Variants in MAP4K3 observed in about 807,000 individuals in gnomAD.
MAP4K3 encodes the protein MAPK/ERK kinase kinase kinase 3.
MAP4K3 carries 94 observed loss-of-function variants against 143.5 expected under a neutral mutation model. The observed-to-expected ratio is 0.65, with a 90% CI of 0.55 to 0.78. MAP4K3 has a LOEUF of 0.78. Ranked by LOEUF, MAP4K3 falls within the 30% of genes least tolerant of loss-of-function variation. The pLI, the probability that MAP4K3 is intolerant of heterozygous loss-of-function variation, is 0.00. For missense variants in MAP4K3, 1,077 were observed against 1,068.1 expected (o/e 1.01, Z -0.12); for synonymous variants, 416 against 347.2 (o/e 1.20, Z -2.20).
In MAP4K3 at chr2:39,260,775, G is replaced by C. The variant is rs765087064; in HGVS notation, c.2139C>G (p.His713Gln). 1 of 1,603,086 alleles carries C rather than the reference G, an allele frequency of 6.2e-7. No individual in the cohort carries two copies. Among genetic ancestry groups the C allele is most frequent in the East Asian group, 2.2e-5 (1 of 44,796 alleles). ...GTGGACATGGTATAGGAAAATCTATGTGCTAGAGAAAGAAACAAAAATACA... is the reference window on the plus strand; with the variant it reads ...GTGGACATGGTATAGGAAAATCTATCTGCTAGAGAAAGAAACAAAAATACA... ...EPMQKFMLIK[H>Q]IDFPIPCPLR... The change falls in exon 29 of 34, where the codon CAC becomes CAG. Residue 713 changes from histidine (H) to glutamine (Q), a missense_variant and splice_region_variant. His to Gln is a conservative substitution (Grantham distance 24, BLOSUM62 0). Around this residue, in one of 2 missense-constraint regions of MAP4K3, gnomAD observed 864 missense variants for 801.2 expected, o/e 1.08. Coordinates refer to ENST00000263881, the MANE Select transcript of MAP4K3 (RefSeq NM_003618.4).
At position 39,420,498 on chromosome 2, in the gene MAP4K3, C is replaced by G. The variant is rs780818568; in HGVS notation, c.96+16394G>C. ...GTACTGCAATCATAGCTTACAGCAG[C>G]CTTGAACTCCTGGGCTCAAGTGATG... On this transcript the variant is annotated intron_variant, in intron 1 of 33. Coordinates refer to ENST00000263881, the MANE Select transcript of MAP4K3 (RefSeq NM_003618.4). Among the ~76,000 whole-genome samples the G allele has an allele frequency of 3.3e-4, 50 of 152,036 alleles. 1 individual carries two copies. The highest frequency in any genetic ancestry group is 3.5e-3 in the Middle Eastern group (1 of 288).
intron 6 of MAP4K3, among the ~76,000 whole-genome samples, chr2:39,335,133 C>G (rs374898202): frequency 6.6e-6 from 1 of 151,996 alleles, no homozygotes; most frequent in East Asian, 1.9e-4. Context: ...GATGAGGTCA[C>G]GGAGAAATGC....
intron 23 of MAP4K3, 100 bp downstream of exon 23, chr2:39,280,172 C>A: frequency 1.5e-6 from 1 of 655,924 alleles, no homozygotes; most frequent in Non-Finnish European, 2.5e-6. Flanking sequence ...AACTTTTTTT[C>A]CCCAGAAAGA....
intron 1 of MAP4K3, among the ~76,000 whole-genome samples, chr2:39,405,564 A>G (rs535558482): frequency 6.6e-6 from 1 of 152,302 alleles, no homozygotes; most frequent in African/African-American, 2.4e-5. Context: ...TGACCTCATC[A>G]AACAAACTAA....
intron 2 of MAP4K3, among the ~76,000 whole-genome samples, chr2:39,361,838 G>A (rs1443069513): frequency 6.6e-6 from 1 of 151,814 alleles, no homozygotes; most frequent in Non-Finnish European, 1.5e-5. Flanking sequence ...CATCTGTCAA[G>A]ATGCTTCTGG....
chr2:39,335,375 G>C (rs1664911960), intron 6 of MAP4K3, among the ~76,000 whole-genome samples: 1 of 152,144 alleles, frequency 6.6e-6, no homozygotes, highest in African/African-American at 2.4e-5. Flanking sequence ...TGGTGGCTTA[G>C]ACAGGAGTAG....
At chr2:39,388,271 T>G (rs1666564308) in intron 1 of MAP4K3, among the ~76,000 whole-genome samples, 1 of 152,186 alleles carries the variant, frequency 6.6e-6, no homozygotes, top group African/African-American at 2.4e-5. Flanking sequence ...CTTCCAAGAT[T>G]TCACTTTTGG....
intron 16 of MAP4K3, among the ~76,000 whole-genome samples, chr2:39,299,167 T>C (rs778313023): frequency 3.3e-5 from 5 of 152,166 alleles, no homozygotes; most frequent in African/African-American, 4.8e-5. Context: ...ACAATTTAAA[T>C]TGTTAATGTT....
chr2:39,371,019 A>T lies in MAP4K3; in HGVS notation c.154+7047T>A, dbSNP rs201594120. Among the ~76,000 whole-genome samples, 19 of 151,454 alleles carry T rather than the reference A, an allele frequency of 1.3e-4. No homozygotes were observed. In the East Asian group the frequency reaches 2.9e-3, roughly 23 times the overall value. The stretch of plus-strand genomic sequence containing the variant: ...TAGCTCTCATCTTGATCCATTTTTA[A>T]TTTTTTTTTCCCAAATAAGTCTCAA... On this transcript the variant is annotated intron_variant, in intron 2 of 33. Coordinates refer to ENST00000263881, the MANE Select transcript of MAP4K3 (RefSeq NM_003618.4).
intron 20 of MAP4K3, among the ~76,000 whole-genome samples, chr2:39,287,810 C>T (rs1681863725): frequency 6.6e-6 from 1 of 152,118 alleles, no homozygotes; most frequent in South Asian, 2.1e-4. Context: ...ACACATTTTC[C>T]ATGTTTGTTC....
In MAP4K3 at chr2:39,290,480, G is replaced by T. The variant is rs1053730956; in HGVS notation, c.1272-146C>A. 5.1e-6 allele frequency: 3 copies of T among 587,842 alleles called. No individual in the cohort carries two copies. In the African/African-American group the frequency reaches 5.8e-5, roughly 11 times the overall value. 36.4% of individuals were successfully genotyped at this position (587,842 alleles called of 1,614,324 possible). A position where few individuals can be genotyped will look rare whatever the true frequency, so the allele number is the denominator to read the frequency against. On this transcript the variant is annotated intron_variant, in intron 18 of 33. Transcript: ENST00000263881. ...TTGTAAGTTTTTTCTAAAGTATTTTGTGAAATGTTGCTAGAGGTATTATTC... is the reference window on the plus strand; with the variant it reads ...TTGTAAGTTTTTTCTAAAGTATTTTTTGAAATGTTGCTAGAGGTATTATTC...
At chr2:39,254,571 G>C in intron 31 of MAP4K3, 51 bp from the exon 32 acceptor site, 1 of 1,378,166 alleles carries the variant, frequency 7.3e-7, no homozygotes, top group South Asian at 1.2e-5. Flanking sequence ...AAGTTCAACT[G>C]ATAAGCATCA....
At chr2:39,270,302 A>T (rs931458132) in intron 26 of MAP4K3, among the ~76,000 whole-genome samples, 1 of 152,212 alleles carries the variant, frequency 6.6e-6, no homozygotes, top group Admixed American at 6.5e-5. Context: ...TTCTATAGTG[A>T]TCTATAGACT....
rs1391052148 is a variant in MAP4K3 at position 39,407,934 on chromosome 2, G to C, written c.96+28958C>G. Among the ~76,000 whole-genome samples, 6 of 152,066 alleles carry C rather than the reference G, an allele frequency of 3.9e-5. No homozygotes were observed. The South Asian group carries it at 1.0e-3, about 26-fold the overall frequency. The stretch of plus-strand genomic sequence containing the variant: ...CTATTTTGGGAAAAAAATGCCACAA[G>C]ATATTAGTAAAGAAGAGAAGCAAGC... On this transcript the variant is annotated intron_variant, in intron 1 of 33. Transcript: ENST00000263881.
At chr2:39,407,298 A>G (rs1667122823) in intron 1 of MAP4K3, among the ~76,000 whole-genome samples, 1 of 152,082 alleles carries the variant, frequency 6.6e-6, no homozygotes, top group African/African-American at 2.4e-5. Flanking sequence ...TCTTCCTAAG[A>G]GCAGGAACAA....
At chr2:39,353,655 T>A (rs904265227) in intron 3 of MAP4K3, among the ~76,000 whole-genome samples, 1 of 152,200 alleles carries the variant, frequency 6.6e-6, no homozygotes, top group East Asian at 1.9e-4. Flanking sequence ...CTACCACAGC[T>A]ATACTGCTAT....
chr2:39,336,853 C>G (rs1488366547), intron 6 of MAP4K3, 67 bp downstream of exon 6: 7 of 675,696 alleles, frequency 1.0e-5, no homozygotes, highest in Non-Finnish European at 2.4e-6. Context: ...CAATTTTGCT[C>G]AAAACAATTT....
chr2:39,272,861 A>G (rs980715143), intron 24 of MAP4K3, among the ~76,000 whole-genome samples: 1 of 152,132 alleles, frequency 6.6e-6, no homozygotes, highest in Non-Finnish European at 1.5e-5. Flanking sequence ...CTATTCCTTT[A>G]TTTTGGTTCT....
At chr2:39,295,102 G>A (rs750225141) in intron 16 of MAP4K3, among the ~76,000 whole-genome samples, 1 of 150,388 alleles carries the variant, frequency 6.6e-6, no homozygotes, top group Non-Finnish European at 1.5e-5. Flanking sequence ...ATAAAAAATA[G>A]CTATTTTTTT....
Sources: gnomAD v4.1 joint callset for allele counts (sites outside exome capture counted in the v4.1 genomes callset) on GRCh38, gnomAD v4.1.1 for gene constraint, gnomAD v4.1.1 regional missense constraint, MANE v1.5 for transcripts, NCBI Gene and HGNC (gene_info 2026-07-23, HGNC 2026-07-21) for gene names.